MRPL22: variants seen among roughly 807,000 people sequenced by gnomAD.
MRPL22 encodes the protein large ribosomal subunit protein uL22m.
Under a neutral mutation model 32.4 loss-of-function variants are expected in MRPL22, and 27 were observed. That is an observed-to-expected ratio of 0.83 (90% CI 0.61 to 1.15). The LOEUF (loss-of-function observed/expected upper bound fraction) is 1.15, where lower values mean the gene tolerates loss of function less well. MRPL22 is among the 50% of genes most tolerant of loss of function. The pLI is 0.00. For missense variants in MRPL22, 239 were observed against 260.2 expected, an observed-to-expected ratio of 0.92 and a Z score of 0.56; for synonymous variants, 86 against 87.3, an observed-to-expected ratio of 0.99 and a Z score of 0.08.
intron 2 of MRPL22, among the ~76,000 whole-genome samples, chr5:154,950,036 C>T (rs1204884124): frequency 6.6e-6 from 1 of 152,078 alleles, no homozygotes; most frequent in Non-Finnish European, 1.5e-5. Context: ...ACTCATAAAC[C>T]AACAAGGTTT....
At chr5:154,951,284 A>G (rs1764557568) in intron 3 of MRPL22, among the ~76,000 whole-genome samples, 1 of 152,116 alleles carries the variant, frequency 6.6e-6, no homozygotes, top group African/African-American at 2.4e-5. Flanking sequence ...TAAATTATGT[A>G]TATGATTTTC....
At chr5:154,943,822 C>T (rs1015774597) in intron 2 of MRPL22, among the ~76,000 whole-genome samples, 1 of 151,906 alleles carries the variant, frequency 6.6e-6, no homozygotes, top group Non-Finnish European at 1.5e-5. Context: ...TGCACTACTA[C>T]ACCTGACTTT....
chr5:154,941,910 G>A (rs1764422940), intron 2 of MRPL22, among the ~76,000 whole-genome samples: 1 of 152,178 alleles, frequency 6.6e-6, no homozygotes, highest in Non-Finnish European at 1.5e-5. Context: ...TAATCTGATT[G>A]TAAATTTTCT....
At chr5:154,951,535 TTTATTA>T (rs1190302072) in intron 3 of MRPL22, among the ~76,000 whole-genome samples, 1 of 151,968 alleles carries the variant, frequency 6.6e-6, no homozygotes, top group Non-Finnish European at 1.5e-5. Context: ...TTTATTTTAT[TTTATTA>T]TTATTATTAT....
At chr5:154,963,253 A>G (rs930894890) in intron 6 of MRPL22, among the ~76,000 whole-genome samples, 3 of 152,194 alleles carry the variant, frequency 2.0e-5, no homozygotes, top group Non-Finnish European at 2.9e-5. Context: ...AATATTGGCA[A>G]TATTTTAAAT....
In MRPL22 at chr5:154,942,994, G is replaced by C. The variant is rs947777554; in HGVS notation, c.77+1729G>C. On this transcript the variant is annotated intron_variant, in intron 2 of 6. Coordinates refer to ENST00000523037, the MANE Select transcript of MRPL22 (RefSeq NM_014180.4). The stretch of plus-strand genomic sequence containing the variant: ...CTCTAAGGCTATTTGCAATTCTGAA[G>C]TTATTACATAATTTTGTGAATCCTT... Among the ~76,000 whole-genome samples the C allele has an allele frequency of 2.0e-5, 3 of 152,256 alleles. No homozygotes were observed. In the East Asian group the frequency reaches 5.8e-4, roughly 29 times the overall value.
chr5:154,942,130 T>C (rs1465676406), intron 2 of MRPL22, among the ~76,000 whole-genome samples: 2 of 152,162 alleles, frequency 1.3e-5, no homozygotes, highest in Non-Finnish European at 2.9e-5. Flanking sequence ...TTTATTTTTT[T>C]AGATGAAGTG....
chr5:154,953,681 C>CTTTTT (rs772873962), intron 3 of MRPL22, among the ~76,000 whole-genome samples: 9 of 107,098 alleles, frequency 8.4e-5, no homozygotes, highest in South Asian at 3.0e-4. Context: ...CTAGTAAGAA[C>CTTTTT]TTTTTTTTTT....
In MRPL22 at chr5:154,962,516, T is replaced by C. The variant is rs1034118014; in HGVS notation, c.409+2467T>C. 2.0e-5 allele frequency among the ~76,000 whole-genome samples: 3 copies of C among 152,352 alleles called. No individual in the cohort carries two copies. In the East Asian group the frequency reaches 5.8e-4, roughly 29 times the overall value. On this transcript the variant is annotated intron_variant, in intron 6 of 6. Transcript: ENST00000523037. ...ATTGGCTACTATTTTGGTTCAGCAA[T>C]GGTTCTTTCAGTACCCTGAAATAAG...
chr5:154,945,924 A>G (rs1296544159), intron 2 of MRPL22, among the ~76,000 whole-genome samples: 1 of 152,218 alleles, frequency 6.6e-6, no homozygotes, highest in Non-Finnish European at 1.5e-5. Flanking sequence ...CTGTGCTTCT[A>G]AATTAAGAAC....
intron 1 of MRPL22, 25 bp downstream of exon 1, chr5:154,941,163 G>C: frequency 6.2e-7 from 1 of 1,614,104 alleles, no homozygotes; most frequent in South Asian, 1.1e-5. Context: ...GTGGTTAAGC[G>C]ACAGAAGGGA....
intron 5 of MRPL22, among the ~76,000 whole-genome samples, chr5:154,958,426 T>G (rs779981575): frequency 2.0e-5 from 3 of 150,670 alleles, no homozygotes; most frequent in Non-Finnish European, 4.5e-5. Context: ...TTGATTTTGC[T>G]ATATTCAATT....
In MRPL22 at chr5:154,966,793, G is replaced by T. The variant is rs745843019; in HGVS notation, c.517G>T (p.Val173Leu). The T allele has an allele frequency of 1.9e-6, 3 of 1,614,190 alleles. No individual in the cohort carries two copies. The highest frequency in any genetic ancestry group is 2.5e-6 in the Non-Finnish European group (3 of 1,180,044). The change falls in exon 7 of 7, where the codon GTG becomes TTG. Residue 173 changes from valine to leucine, a missense_variant. Val to Leu is a conservative substitution (Grantham distance 32). Coordinates refer to ENST00000523037, the MANE Select transcript of MRPL22 (RefSeq NM_014180.4). ...TTATTGCCATTATTTTGTGAAGTTG[G>T]TGGAAGGGCCCCCACCTCCACCTGA... ...KVYCHYFVKLVEGPPPPPEPP... is the reference protein window; with the variant it reads ...KVYCHYFVKLLEGPPPPPEPP...
rs570872508 is a variant in MRPL22, at chr5:154,957,192, G to A, written c.319G>A (p.Gly107Arg). 3 of 1,613,544 alleles carry A rather than the reference G, an allele frequency of 1.9e-6. No individual in the cohort carries two copies. The highest frequency in any genetic ancestry group is 2.2e-5 in the South Asian group (2 of 91,042). ...LAQLEFNDKKGAKIIKEVLLE... is the reference protein window; with the variant it reads ...LAQLEFNDKKRAKIIKEVLLE... ...TCAGTTGGAATTCAATGACAAAAAA[G>A]GGGCCAAAATAATTAAAGAGGTAAA... Residue 107 changes from glycine (G) to arginine (R), a missense_variant, in exon 5 of 7, where the codon GGG becomes AGG. Coordinates refer to ENST00000523037, the MANE Select transcript of MRPL22 (RefSeq NM_014180.4).
chr5:154,944,008 ATGC>A (rs1764455924), intron 2 of MRPL22, among the ~76,000 whole-genome samples: 1 of 152,132 alleles, frequency 6.6e-6, no homozygotes, highest in Non-Finnish European at 1.5e-5. Flanking sequence ...TATTTTACTG[ATGC>A]ATACATTTGA....
intron 6 of MRPL22, among the ~76,000 whole-genome samples, chr5:154,962,870 C>T (rs1439989183): frequency 6.6e-6 from 1 of 152,136 alleles, no homozygotes; most frequent in Non-Finnish European, 1.5e-5. Context: ...TCTAATGTTA[C>T]AATTTCAAGA....
Position 154,966,999 on chromosome 5 carries a change from T to C in MRPL22, c.*102T>C, listed in dbSNP as rs1315233238. The C allele has an allele frequency of 1.6e-6, 2 of 1,222,384 alleles. No individual in the cohort carries two copies. The highest frequency in any genetic ancestry group is 2.5e-5 in the East Asian group (1 of 39,290). The allele number at this position is 1,222,384 out of a possible 1,614,324, so 75.7% of individuals were successfully genotyped here. A position where few individuals can be genotyped will look rare whatever the true frequency, so the allele number is the denominator to read the frequency against. ...CTTTTTATGATTTCTCATTGAATTA[T>C]TGAAACAGTGTATAACTGCTAGTTG... On this transcript the variant is annotated 3_prime_UTR_variant, in exon 7 of 7. Transcript: ENST00000523037.
Position 154,966,838 on chromosome 5 carries a change from G to A in MRPL22, c.562G>A (p.Ala188Thr), listed in dbSNP as rs764881928. The change falls in exon 7 of 7, where the codon GCC (alanine) becomes ACC (threonine). Residue 188 changes from alanine (A) to threonine (T), a missense_variant. Physicochemically the swap from Ala to Thr is moderately conservative, Grantham distance 58 (BLOSUM62 0). Coordinates refer to ENST00000523037, the MANE Select transcript of MRPL22 (RefSeq NM_014180.4). ...PPPEPPKTAV[A>T]HAKEYIQQLR... ...ACCTGAGCCACCAAAGACGGCAGTT[G>A]CCCATGCCAAAGAGTATATTCAGCA... is the stretch of plus-strand genomic sequence containing the variant. 5 of 1,614,116 alleles carry A rather than the reference G, an allele frequency of 3.1e-6. No individual in the cohort carries two copies. Among genetic ancestry groups the A allele is most frequent in the Non-Finnish European group, 3.4e-6 (4 of 1,180,016 alleles).
intron 2 of MRPL22, among the ~76,000 whole-genome samples, chr5:154,950,294 A>G (rs1300855166): frequency 1.3e-5 from 2 of 152,232 alleles, no homozygotes; most frequent in African/African-American, 4.8e-5. Flanking sequence ...ATGGATTACA[A>G]TTGAAGATGA....
Sources: allele counts gnomAD v4.1 joint callset (sites outside exome capture counted in the v4.1 genomes callset), GRCh38; gene constraint gnomAD v4.1.1; transcripts MANE v1.5; gene names NCBI Gene and HGNC (gene_info 2026-07-23, HGNC 2026-07-21).